Variants in PCDHA6 observed in about 807,000 individuals in gnomAD.
The protein encoded by PCDHA6 is protocadherin alpha 6, also known as protocadherin alpha-6.
A neutral mutation model predicts 60.3 loss-of-function variants in PCDHA6; 55 were observed. The ratio of observed to expected loss-of-function variants is 0.91; its 90% confidence interval spans 0.73 to 1.14. The LOEUF (loss-of-function observed/expected upper bound fraction) is 1.14. Ranked by LOEUF, PCDHA6 falls within the 50% of genes most tolerant of loss-of-function variation. The probability of loss-of-function intolerance (pLI) is 0.00; values close to 1 mark genes in which losing one functional copy is unlikely to be tolerated. For synonymous variants in PCDHA6, 652 were observed against 557.9 expected (o/e 1.17, Z -2.38); for missense variants, 1,327 against 1,256.5 (o/e 1.06, Z -0.85).
intron 3 of PCDHA6, among the ~76,000 whole-genome samples, chr5:141,008,498 T>G (rs2098379874): frequency 6.6e-6 from 1 of 152,158 alleles, no homozygotes. Context: ...CTGGTATACT[T>G]TATGGTGTGT....
rs144442346 is a variant in PCDHA6 at position 140,929,817 on chromosome 5, G to A, written c.2395-49132G>A. 1,292 of 158,464 alleles carry A rather than the reference G, an allele frequency of 8.2e-3. 7 individuals are homozygous for A. Among genetic ancestry groups the A allele is most frequent in the African/African-American group, 0.019 (796 of 41,644 alleles). 9.8% of individuals were successfully genotyped at this position (158,464 alleles called of 1,614,324 possible). On this transcript the variant is annotated intron_variant, in intron 1 of 3. Coordinates refer to ENST00000529310, the MANE Select transcript of PCDHA6 (RefSeq NM_018909.4). The stretch of plus-strand genomic sequence containing the variant: ...ATGGGGGTTAAAAGAAGGGAGAAAG[G>A]GAACATAAGAGAACATTTGAGTGAG...
rs1587841717 is a variant in PCDHA6, at chr5:140,999,568, GA to G, written c.2543-10058del. On this transcript the variant is annotated intron_variant, in intron 3 of 3. Transcript: ENST00000529310. ...ATGAAGAGGGGGTATTTTGAGAAGA[GA>G]CTATAAAGGGAAATTGCCTTCCCTA... Among the ~76,000 whole-genome samples the G allele has an allele frequency of 2.0e-5, 3 of 152,084 alleles. No homozygotes were observed. In the South Asian group the frequency reaches 6.2e-4, roughly 32 times the overall value.
At chr5:140,968,474 G>A (rs1394773296) in intron 1 of PCDHA6, 2 of 1,614,110 alleles carry the variant, frequency 1.2e-6, no homozygotes, top group Non-Finnish European at 1.7e-6. Flanking sequence ...CGTATATGTG[G>A]TGGACATGAA....
chr5:140,900,563 C>G (rs1174778855), intron 1 of PCDHA6, among the ~76,000 whole-genome samples: 4 of 152,164 alleles, frequency 2.6e-5, no homozygotes, highest in Non-Finnish European at 5.9e-5. Flanking sequence ...AGGCGTGAGC[C>G]ACGGCACCGG....
At chr5:140,838,604 C>T (rs1335900872) in intron 1 of PCDHA6, among the ~76,000 whole-genome samples, 1 of 151,900 alleles carries the variant, frequency 6.6e-6, no homozygotes, top group Non-Finnish European at 1.5e-5. Flanking sequence ...ATTGTCTAGA[C>T]TTTTAAAAAT....
At chr5:140,892,803 A>T (rs1554185373) in intron 1 of PCDHA6, among the ~76,000 whole-genome samples, 1 of 152,174 alleles carries the variant, frequency 6.6e-6, no homozygotes. Context: ...ATTATAGTTA[A>T]CCATATTTAT....
intron 1 of PCDHA6, among the ~76,000 whole-genome samples, chr5:140,953,761 A>C (rs1016551787): frequency 6.6e-6 from 1 of 152,202 alleles, no homozygotes; most frequent in Non-Finnish European, 1.5e-5. Flanking sequence ...TCCAAGAATT[A>C]AATTTAATAT....
At chr5:141,008,843 G>A (rs1474787733) in intron 3 of PCDHA6, among the ~76,000 whole-genome samples, 7 of 152,114 alleles carry the variant, frequency 4.6e-5, no homozygotes, top group Non-Finnish European at 1.0e-4. Context: ...CTTACGCTGT[G>A]TATTCCCATC....
intron 1 of PCDHA6, chr5:140,861,392 G>A (rs2046897620): frequency 2.2e-6 from 1 of 451,822 alleles, no homozygotes; most frequent in Non-Finnish European, 4.5e-6. Context: ...ACCTGGGTCT[G>A]GAGCTTGTGG....
chr5:140,899,584 G>A (rs2153464513), intron 1 of PCDHA6, among the ~76,000 whole-genome samples: 1 of 152,292 alleles, frequency 6.6e-6, no homozygotes, highest in African/African-American at 2.4e-5. Flanking sequence ...CGGTTTGCCA[G>A]TATTTTATTG....
intron 1 of PCDHA6, chr5:140,836,157 G>A (rs2150254365): frequency 1.2e-6 from 2 of 1,613,822 alleles, no homozygotes; most frequent in Admixed American, 1.7e-5. Flanking sequence ...CCATGTGGTG[G>A]CGAAGGTACG....
At chr5:140,937,748 T>C (rs192465220) in intron 1 of PCDHA6, among the ~76,000 whole-genome samples, 1 of 151,812 alleles carries the variant, frequency 6.6e-6, no homozygotes, top group Admixed American at 6.6e-5. Context: ...CCGTCTCTAC[T>C]AAAAATACAA....
At chr5:140,854,861 A>G (rs1176578969) in intron 1 of PCDHA6, among the ~76,000 whole-genome samples, 2 of 149,864 alleles carry the variant, frequency 1.3e-5, no homozygotes, top group African/African-American at 4.9e-5. Flanking sequence ...TACTAGATAT[A>G]TTTCAGAACT....
intron 1 of PCDHA6, chr5:140,834,141 GT>G (rs1772814209): frequency 2.0e-6 from 1 of 506,492 alleles, no homozygotes; most frequent in Non-Finnish European, 3.5e-6. Flanking sequence ...CTGATTAATA[GT>G]TTGTAATGGT....
chr5:140,840,957 C>G (rs1381894939), intron 1 of PCDHA6, among the ~76,000 whole-genome samples: 3 of 151,928 alleles, frequency 2.0e-5, no homozygotes, highest in Non-Finnish European at 4.4e-5. Context: ...GGAAGAAATT[C>G]CTTTCCTTAT....
intron 1 of PCDHA6, chr5:140,851,385 AGTATCTATTATTTT>A: frequency 4.1e-6 from 4 of 975,218 alleles, no homozygotes; most frequent in Non-Finnish European, 5.0e-6. Flanking sequence ...AGCAACCTTC[AGTATCTATTATTTT>A]AATAAGAAAG....
At chr5:140,897,222 G>A (rs2065939417) in intron 1 of PCDHA6, among the ~76,000 whole-genome samples, 1 of 151,978 alleles carries the variant, frequency 6.6e-6, no homozygotes, top group Non-Finnish European at 1.5e-5. Context: ...TAGGGTACAT[G>A]TGCACAATGT....
rs1386589487 is a variant in PCDHA6 at position 140,876,579 on chromosome 5, T to C, written c.2394+46094T>C. ...AGGATGCTCAGGTGGGTACCGTCAT[T>C]GCCCTGATTAGCGTGTCGGATCGTG... On this transcript the variant is annotated intron_variant, in intron 1 of 3. Coordinates refer to ENST00000529310, the MANE Select transcript of PCDHA6 (RefSeq NM_018909.4). 5 of 1,614,104 alleles carry C rather than the reference T, an allele frequency of 3.1e-6. No homozygotes were observed. In the African/African-American group the frequency reaches 5.3e-5, roughly 17 times the overall value.
intron 1 of PCDHA6, among the ~76,000 whole-genome samples, chr5:140,938,866 G>A (rs1372323218): frequency 2.6e-5 from 4 of 152,040 alleles, no homozygotes; most frequent in African/African-American, 9.7e-5. Context: ...GAACTTAAAA[G>A]TTAAGAAGCA....
Sources: gnomAD v4.1 joint callset for allele counts (sites outside exome capture counted in the v4.1 genomes callset) on GRCh38, gnomAD v4.1.1 for gene constraint, MANE v1.5 for transcripts, NCBI Gene and HGNC (gene_info 2026-07-23, HGNC 2026-07-21) for gene names.